The following EML6 variants were observed in gnomAD, a reference collection of about 807,000 sequenced individuals.
EML6 encodes the protein echinoderm microtubule-associated protein-like 6.
EML6 carries 154 observed loss-of-function variants against 240.1 expected under a neutral mutation model. That is an observed-to-expected ratio of 0.64 (90% CI 0.56 to 0.73). The LOEUF (loss-of-function observed/expected upper bound fraction) is 0.73, where lower values mean the gene tolerates loss of function less well. Among genes scored for constraint, EML6 ranks in the 30% least tolerant of loss-of-function variants. EML6 has a pLI of 0.00. For missense variants in EML6, 2,964 were observed against 2,474.6 expected (o/e 1.20, Z -4.20); for synonymous variants, 1,148 against 899.0 (o/e 1.28, Z -4.95).
chr2:54,733,512 G>A lies in EML6; in HGVS notation c.197+8254G>A, dbSNP rs142859126. ...TCTCTTAGGCACTGCACAGTATCAC[G>A]CAGCTATTCTTTCTCTAATTATTTC... On this transcript the variant is annotated intron_variant, in intron 2 of 41. Transcript: ENST00000356458. 5.1e-3 allele frequency among the ~76,000 whole-genome samples: 778 copies of A among 152,222 alleles called. 8 individuals are homozygous for A. Among genetic ancestry groups the A allele is most frequent in the African/African-American group, 0.018 (729 of 41,530 alleles).
At chr2:54,806,098 T>A (rs920319764) in intron 2 of EML6, among the ~76,000 whole-genome samples, 10 of 152,188 alleles carry the variant, frequency 6.6e-5, no homozygotes, top group Non-Finnish European at 1.3e-4. Flanking sequence ...TTCTGACATA[T>A]ACATGTATGT....
chr2:54,859,964 C>T (rs561156285), intron 12 of EML6, among the ~76,000 whole-genome samples: 14 of 152,308 alleles, frequency 9.2e-5, no homozygotes, highest in Middle Eastern at 3.4e-3. Context: ...ATAGGAAGCT[C>T]CTGACACTCC....
intron 17 of EML6, among the ~76,000 whole-genome samples, chr2:54,888,183 A>G (rs910167270): frequency 3.9e-5 from 6 of 152,168 alleles, no homozygotes; most frequent in Non-Finnish European, 7.3e-5. Flanking sequence ...TTCATAGCAG[A>G]GGGTAATGAG....
chr2:54,858,230 C>T (rs1245889217), intron 11 of EML6, among the ~76,000 whole-genome samples: 1 of 152,162 alleles, frequency 6.6e-6, no homozygotes, highest in South Asian at 2.1e-4. Context: ...GTGCTTATGA[C>T]GTGGCATATA....
chr2:54,858,320 T>C (rs1258218331), intron 11 of EML6, among the ~76,000 whole-genome samples: 1 of 152,248 alleles, frequency 6.6e-6, no homozygotes, highest in Non-Finnish European at 1.5e-5. Flanking sequence ...ACTTTTGCCA[T>C]ATTCTGTTCA....
Position 54,950,691 on chromosome 2 carries a change from C to T in EML6, c.4125C>T (p.Asp1375=), listed in dbSNP as rs774525333. 1.5e-4 allele frequency: 229 copies of T among 1,551,576 alleles called. No homozygotes were observed. The highest frequency in any genetic ancestry group is 1.9e-4 in the Non-Finnish European group (219 of 1,146,988). Residue 1375 remains aspartate, a synonymous_variant, in exon 30 of 42, where the codon GAC becomes GAT. Coordinates refer to ENST00000356458, the MANE Select transcript of EML6 (RefSeq NM_001039753.4). ...ACGTGTTTGGCTACAGAGGTTTCGA[C>T]TGTCGAAATAACCTGCATTACCTTA... ...LDHVFGYRGF[D]CRNNLHYLND...
rs372142745 is a variant in EML6 at position 54,835,783 on chromosome 2, A to G, written c.847+6306A>G. On this transcript the variant is annotated intron_variant, in intron 7 of 41. Transcript: ENST00000356458. ...AACTGCAGAGTTGCGACTGGCATCT[A>G]TGGATAGAGGCCAGGGAAGCTGCTA... Among the ~76,000 whole-genome samples the G allele has an allele frequency of 4.6e-5, 7 of 152,232 alleles. No homozygotes were observed. In the East Asian group the frequency reaches 7.8e-4, roughly 17 times the overall value.
chr2:54,874,960 G>A (rs1671430800), intron 16 of EML6, among the ~76,000 whole-genome samples: 2 of 152,166 alleles, frequency 1.3e-5, no homozygotes, highest in African/African-American at 4.8e-5. Context: ...GGGTTTGTCA[G>A]CAGGCAGGAG....
intron 2 of EML6, among the ~76,000 whole-genome samples, chr2:54,801,025 A>G (rs1258620573): frequency 2.6e-5 from 4 of 152,082 alleles, no homozygotes; most frequent in African/African-American, 9.7e-5. Context: ...TGTTCTTTAA[A>G]AGTCGCTCAT....
Position 54,967,065 on chromosome 2 carries a change from C to A in EML6, c.5559C>A (p.Ala1853=). The A allele has an allele frequency of 1.3e-6, 2 of 1,551,414 alleles. No individual in the cohort carries two copies. Among genetic ancestry groups the A allele is most frequent in the Non-Finnish European group, 1.7e-6 (2 of 1,146,862 alleles). The change falls in exon 39 of 42, where the codon GCC becomes GCA. Residue 1853 remains alanine (A), a synonymous_variant. Coordinates refer to ENST00000356458, the MANE Select transcript of EML6 (RefSeq NM_001039753.4). ...EVPLGKQVTE[A]VVIEKITWAS... Reference sequence around the variant, plus strand: ...CCCTGGGGAAGCAGGTAACTGAAGCCGTGGTCATTGAGAAGATCACCTGGG... The same window carrying A: ...CCCTGGGGAAGCAGGTAACTGAAGCAGTGGTCATTGAGAAGATCACCTGGG...
At position 54,746,398 on chromosome 2, in the gene EML6, T is replaced by C. The variant is rs1022286720; in HGVS notation, c.197+21140T>C. Among the ~76,000 whole-genome samples the C allele has an allele frequency of 2.6e-5, 4 of 151,776 alleles. No individual in the cohort carries two copies. In the South Asian group the frequency reaches 8.3e-4, roughly 31 times the overall value. On this transcript the variant is annotated intron_variant, in intron 2 of 41. Coordinates refer to ENST00000356458, the MANE Select transcript of EML6 (RefSeq NM_001039753.4). ...GAGCAACAAGTCAGAGGTTTGAAAA[T>C]CTATTTATTGTTTTCCTTGGGTACA...
chr2:54,952,551 T>G, intron 30 of EML6, 43 bp from the exon 31 acceptor site: 1 of 1,371,504 alleles, frequency 7.3e-7, no homozygotes, highest in South Asian at 1.3e-5. Context: ...CTAAAAGGTC[T>G]TTAGGTTCCA....
rs534490334 is a variant in EML6, at chr2:54,968,688, C to T, written c.5772C>T (p.Phe1924=). 28 of 1,550,658 alleles carry T rather than the reference C, an allele frequency of 1.8e-5. No individual in the cohort carries two copies. The highest frequency in any genetic ancestry group is 3.3e-4 in the Middle Eastern group (2 of 5,992). Residue 1924 remains phenylalanine, a synonymous_variant, in exon 41 of 42, where the codon TTC becomes TTT. Transcript: ENST00000356458. Reference sequence around the variant, plus strand: ...CACAGGCCAAACATAAGCGATACTTCGGTCACTCGGCTCACGTGACGAACA... The same window carrying T: ...CACAGGCCAAACATAAGCGATACTTTGGTCACTCGGCTCACGTGACGAACA... ...TEKFAKHKRY[F]GHSAHVTNIR...
At chr2:54,921,950 T>C (rs1558688307) in intron 26 of EML6, among the ~76,000 whole-genome samples, 1 of 152,154 alleles carries the variant, frequency 6.6e-6, no homozygotes, top group Non-Finnish European at 1.5e-5. Context: ...GACTTAAATG[T>C]AAGACATGAA....
chr2:54,780,452 C>T (rs1668803234), intron 2 of EML6, among the ~76,000 whole-genome samples: 1 of 152,176 alleles, frequency 6.6e-6, no homozygotes, highest in African/African-American at 2.4e-5. Flanking sequence ...ATCTTCTTTG[C>T]ACATGCTTGC....
intron 28 of EML6, among the ~76,000 whole-genome samples, chr2:54,932,942 A>G (rs4502460): frequency 0.34 from 51,771 of 152,028 alleles, 9,204 homozygotes; most frequent in African/African-American, 0.37. Context: ...TGGCCTAAGC[A>G]AAGGGGAACT....
Position 54,829,360 on chromosome 2 carries a change from T to C in EML6, c.730T>C (p.Tyr244His), listed in dbSNP as rs776761181. The C allele has an allele frequency of 1.2e-5, 19 of 1,551,736 alleles. No individual in the cohort carries two copies. Among genetic ancestry groups the C allele is most frequent in the Middle Eastern group, 1.7e-4 (1 of 6,014 alleles). Residue 244 changes from tyrosine (Y) to histidine (H), a missense_variant, in exon 7 of 42, where the codon TAT becomes CAT. Transcript: ENST00000356458. ...TCAACAGGCTGGAATCTTTAGCATG[T>C]ATGCTTGTGAAGAAGGCTTTGCCAC... ...GAHSAGIFSMYACEEGFATGG... is the reference protein window; with the variant it reads ...GAHSAGIFSMHACEEGFATGG...
intron 28 of EML6, among the ~76,000 whole-genome samples, chr2:54,938,287 A>C (rs1040141465): frequency 2.6e-5 from 4 of 152,230 alleles, no homozygotes; most frequent in Admixed American, 2.6e-4. Flanking sequence ...CCTGGGCAAC[A>C]AGAGCAAAAC....
rs114614799 is a variant in EML6, at chr2:54,909,395, G to C, written c.3410-1559G>C. 5.3e-3 allele frequency among the ~76,000 whole-genome samples: 813 copies of C among 152,196 alleles called. 8 individuals carry two copies. The highest frequency in any genetic ancestry group is 0.018 in the African/African-American group (767 of 41,510). On this transcript the variant is annotated intron_variant, in intron 24 of 41. Coordinates refer to ENST00000356458, the MANE Select transcript of EML6 (RefSeq NM_001039753.4). ...AAAGTCAGAAGATGTGCCCATTTCA[G>C]GGTACACATTTTCAGATATATTTGC...
Sources: allele counts gnomAD v4.1 joint callset (sites outside exome capture counted in the v4.1 genomes callset), GRCh38; gene constraint gnomAD v4.1.1; transcripts MANE v1.5; gene names NCBI Gene and HGNC (gene_info 2026-07-23, HGNC 2026-07-21).